Variants in ZCCHC7 observed in about 807,000 individuals in gnomAD.
ZCCHC7 encodes zinc finger CCHC-type containing 7.
Under a neutral mutation model 52.0 loss-of-function variants are expected in ZCCHC7, and 35 were observed. The observed-to-expected ratio is 0.67, with a 90% CI of 0.51 to 0.89. The LOEUF (loss-of-function observed/expected upper bound fraction) is 0.89. Among genes scored for constraint, ZCCHC7 ranks in the 40% least tolerant of loss-of-function variants. The pLI is 0.00. For missense variants in ZCCHC7, 574 were observed against 649.1 expected (o/e 0.88, Z 1.26); for synonymous variants, 217 against 221.5 (o/e 0.98, Z 0.18).
chr9:37,316,559 G>A (rs915140608), intron 5 of ZCCHC7, among the ~76,000 whole-genome samples: 8 of 147,742 alleles, frequency 5.4e-5, no homozygotes, highest in South Asian at 2.2e-4. Flanking sequence ...TCCTAACCTC[G>A]AGTGATCTGC....
intron 2 of ZCCHC7, among the ~76,000 whole-genome samples, chr9:37,213,403 T>C (rs1824341112): frequency 6.6e-6 from 1 of 152,174 alleles, no homozygotes; most frequent in African/African-American, 2.4e-5. Flanking sequence ...TTGGTAAATA[T>C]GTTATTTTAA....
chr9:37,214,669 A>G (rs1044267826), intron 2 of ZCCHC7, among the ~76,000 whole-genome samples: 26 of 152,078 alleles, frequency 1.7e-4, no homozygotes, highest in African/African-American at 6.3e-4. Flanking sequence ...CATTAATTTA[A>G]TTCTTATTTT....
chr9:37,226,131 A>G (rs1318469452), intron 2 of ZCCHC7, among the ~76,000 whole-genome samples: 8 of 152,212 alleles, frequency 5.3e-5, no homozygotes, highest in Non-Finnish European at 1.0e-4. Flanking sequence ...TCAACAACTA[A>G]TTATATTTCT....
chr9:37,136,374 C>T (rs1842997615), intron 2 of ZCCHC7, among the ~76,000 whole-genome samples: 1 of 152,144 alleles, frequency 6.6e-6, no homozygotes, highest in Admixed American at 6.5e-5. Flanking sequence ...TTGTGGCAAA[C>T]ATGAGCTTAT....
At chr9:37,199,541 C>T (rs1823489016) in intron 2 of ZCCHC7, among the ~76,000 whole-genome samples, 1 of 151,850 alleles carries the variant, frequency 6.6e-6, no homozygotes, top group Non-Finnish European at 1.5e-5. Context: ...CTATGTTGGC[C>T]AGGCTGGTCT....
intron 7 of ZCCHC7, among the ~76,000 whole-genome samples, chr9:37,352,234 T>G (rs980183759): frequency 2.0e-5 from 3 of 152,208 alleles, no homozygotes; most frequent in African/African-American, 7.2e-5. Flanking sequence ...TGTGGACCCC[T>G]TCCCTTTCAA....
chr9:37,292,179 T>C (rs1828570810), intron 2 of ZCCHC7, among the ~76,000 whole-genome samples: 1 of 152,240 alleles, frequency 6.6e-6, no homozygotes, highest in Non-Finnish European at 1.5e-5. Flanking sequence ...AAATGTCTTA[T>C]AAAATTATTT....
intron 2 of ZCCHC7, among the ~76,000 whole-genome samples, chr9:37,196,047 A>G (rs1823271168): frequency 6.6e-6 from 1 of 152,156 alleles, no homozygotes. Flanking sequence ...ATTTTGGTGA[A>G]GGAATTATGA....
Position 37,327,784 on chromosome 9 carries a change from A to G in ZCCHC7, c.952-15A>G. The G allele has an allele frequency of 6.2e-7, 1 of 1,612,874 alleles. No homozygotes were observed. Among genetic ancestry groups the G allele is most frequent in the Non-Finnish European group, 8.5e-7 (1 of 1,179,180 alleles). ...TGTTTCATGCTCCCAGCTGATCAAT[A>G]TTTTTATTTTCCAGGCTTGCACAGA... On this transcript the variant is annotated splice_polypyrimidine_tract_variant and intron_variant, in intron 5 of 8. Transcript: ENST00000336755.
chr9:37,327,072 A>G (rs1309627499), intron 5 of ZCCHC7: 1 of 152,064 alleles, frequency 6.6e-6, no homozygotes, highest in East Asian at 1.9e-4. Context: ...GTAAGAAAAT[A>G]TATTCTAATC....
intron 7 of ZCCHC7, among the ~76,000 whole-genome samples, chr9:37,353,365 T>A (rs1821509779): frequency 6.6e-6 from 1 of 152,204 alleles, no homozygotes; most frequent in African/African-American, 2.4e-5. Flanking sequence ...GAGACCAGCC[T>A]TGGTAACATA....
At chr9:37,158,780 T>C (rs1254322165) in intron 2 of ZCCHC7, among the ~76,000 whole-genome samples, 1 of 152,178 alleles carries the variant, frequency 6.6e-6, no homozygotes, top group Non-Finnish European at 1.5e-5. Flanking sequence ...GTGTGAAAGA[T>C]CAAAGAATAT....
At chr9:37,187,643 A>G (rs1822736897) in intron 2 of ZCCHC7, among the ~76,000 whole-genome samples, 1 of 152,232 alleles carries the variant, frequency 6.6e-6, no homozygotes, top group South Asian at 2.1e-4. Context: ...GAATAAAATG[A>G]GCAAAGTGGC....
chr9:37,194,164 A>G (rs910511497), intron 2 of ZCCHC7, among the ~76,000 whole-genome samples: 8 of 152,232 alleles, frequency 5.3e-5, no homozygotes, highest in Non-Finnish European at 1.0e-4. Flanking sequence ...GGTACTTGCT[A>G]TGCTAGGATA....
At chr9:37,327,118 C>T (rs1830275489) in intron 5 of ZCCHC7, 1 of 151,906 alleles carries the variant, frequency 6.6e-6, no homozygotes, top group Admixed American at 6.6e-5. Context: ...TTTATATTTG[C>T]TTGTTTGGTT....
At chr9:37,337,876 G>T (rs1830750037) in intron 6 of ZCCHC7, among the ~76,000 whole-genome samples, 1 of 152,116 alleles carries the variant, frequency 6.6e-6, no homozygotes. Flanking sequence ...TAAGAAGGAA[G>T]CCTTTGCTAA....
At chr9:37,258,748 C>T (rs1251133163) in intron 2 of ZCCHC7, among the ~76,000 whole-genome samples, 2 of 114,408 alleles carry the variant, frequency 1.7e-5, no homozygotes, top group Non-Finnish European at 3.3e-5. Flanking sequence ...AGAGCGAGAT[C>T]CTGTCTCTTA....
chr9:37,200,864 C>T (rs376163794), intron 2 of ZCCHC7, among the ~76,000 whole-genome samples: 12 of 152,210 alleles, frequency 7.9e-5, no homozygotes, highest in African/African-American at 2.7e-4. Context: ...ATTAGAAATG[C>T]ATGTGTTTTA....
chr9:37,127,427 T>C (rs539437071), intron 2 of ZCCHC7, among the ~76,000 whole-genome samples: 1 of 152,308 alleles, frequency 6.6e-6, no homozygotes. Flanking sequence ...ATTAGGATTT[T>C]AGGTACTCCA....
Sources: gnomAD v4.1 joint callset for allele counts (sites outside exome capture counted in the v4.1 genomes callset) on GRCh38, gnomAD v4.1.1 for gene constraint, MANE v1.5 for transcripts, NCBI Gene and HGNC (gene_info 2026-07-23, HGNC 2026-07-21) for gene names.